Variants in PUM1 observed in about 807,000 individuals in gnomAD.
PUM1 encodes pumilio RNA binding family member 1.
A neutral mutation model predicts 131.8 loss-of-function variants in PUM1; 13 were observed. That is an observed-to-expected ratio of 0.10 (90% CI 0.06 to 0.16). The LOEUF is 0.16. PUM1 is among the 10% of genes least tolerant of loss of function. The pLI, the probability that PUM1 is intolerant of heterozygous loss-of-function variation, is 1.00. For synonymous variants in PUM1, 509 were observed against 556.5 expected, an observed-to-expected ratio of 0.91 and a Z score of 1.20; for missense variants, 961 against 1,512.4, an observed-to-expected ratio of 0.64 and a Z score of 6.05.
Position 31,005,791 on chromosome 1 carries a change from AAGAGAGAGAGAGAG to A in PUM1, c.720+48_720+61del, listed in dbSNP as rs57530886. The A allele has an allele frequency of 3.8e-4, 496 of 1,313,142 alleles. 1 individual carries two copies. Among genetic ancestry groups the A allele is most frequent in the Middle Eastern group, 1.6e-3 (8 of 5,034 alleles). 81.3% of individuals were successfully genotyped at this position (1,313,142 alleles called of 1,614,324 possible). A position where few individuals can be genotyped will look rare whatever the true frequency, so the allele number is the denominator to read the frequency against. ...GGCATGTTTTGCTTTAGGGGAAAAA[AAGAGAGAGAGAGAG>A]AGAGAGAGAGAGAGAGAGATAGGAA... On this transcript the variant is annotated intron_variant, in intron 5 of 21. Coordinates refer to ENST00000426105, the MANE Select transcript of PUM1 (RefSeq NM_001020658.2).
intron 7 of PUM1, among the ~76,000 whole-genome samples, chr1:30,990,396 T>G (rs1358347330): frequency 6.6e-6 from 1 of 151,992 alleles, no homozygotes; most frequent in African/African-American, 2.4e-5. Context: ...CATGACAGCT[T>G]TTTGGTTTGG....
chr1:31,060,273 C>T (rs945603705), intron 1 of PUM1, among the ~76,000 whole-genome samples: 50 of 151,172 alleles, frequency 3.3e-4, no homozygotes, highest in African/African-American at 1.1e-3. Context: ...CCAGCCTGGC[C>T]AACATGGTGA....
At chr1:30,998,619 A>C (rs911325624) in intron 5 of PUM1, among the ~76,000 whole-genome samples, 1 of 152,230 alleles carries the variant, frequency 6.6e-6, no homozygotes, top group Non-Finnish European at 1.5e-5. Context: ...ATCTACTCCA[A>C]GAATAGATAA....
chr1:30,946,636 C>A (rs375056660), intron 17 of PUM1, among the ~76,000 whole-genome samples: 1,273 of 121,776 alleles, frequency 0.01, no homozygotes, highest in African/African-American at 0.012. Context: ...GACTCTGTCT[C>A]AAAAAAAAAA....
intron 7 of PUM1, among the ~76,000 whole-genome samples, chr1:30,990,338 C>G (rs897596450): frequency 6.6e-6 from 1 of 152,098 alleles, no homozygotes; most frequent in African/African-American, 2.4e-5. Flanking sequence ...ATGGTAACAC[C>G]TTCTCTTAAA....
At chr1:30,960,133 AAC>A (rs897934559) in intron 14 of PUM1, among the ~76,000 whole-genome samples, 11 of 152,198 alleles carry the variant, frequency 7.2e-5, no homozygotes, top group African/African-American at 2.7e-4. Context: ...TCTTCCATTT[AAC>A]ACAGTCCAGG....
chr1:31,054,002 G>A (rs774278425), intron 2 of PUM1, among the ~76,000 whole-genome samples: 3 of 147,950 alleles, frequency 2.0e-5, no homozygotes, highest in African/African-American at 5.0e-5. Flanking sequence ...ACTGAGGCAG[G>A]AGAATCACTT....
At chr1:31,021,794 T>C (rs552712660) in intron 3 of PUM1, among the ~76,000 whole-genome samples, 7 of 152,224 alleles carry the variant, frequency 4.6e-5, no homozygotes, top group South Asian at 4.2e-4. Context: ...AAAGCTTTAA[T>C]AGGGGAGCTG....
At chr1:30,967,432 T>C (rs1284403588) in intron 11 of PUM1, 122 bp from the exon 12 acceptor site, 6 of 861,674 alleles carry the variant, frequency 7.0e-6, no homozygotes. Context: ...ATTTATATAC[T>C]GGCTCCATCA....
At chr1:31,030,086 AGG>A (rs1212115520) in intron 2 of PUM1, among the ~76,000 whole-genome samples, 1 of 151,714 alleles carries the variant, frequency 6.6e-6, no homozygotes, top group Non-Finnish European at 1.5e-5. Context: ...GCGTGGTGGC[AGG>A]CGCCTATAAT....
At chr1:30,970,258 T>A (rs75942765) in intron 10 of PUM1, among the ~76,000 whole-genome samples, 1 of 151,206 alleles carries the variant, frequency 6.6e-6, no homozygotes, top group South Asian at 2.1e-4. Flanking sequence ...AAAAAAAAAA[T>A]GTAAAAAGAG....
At chr1:30,994,680 T>C (rs367562280) in intron 6 of PUM1, among the ~76,000 whole-genome samples, 3 of 152,334 alleles carry the variant, frequency 2.0e-5, no homozygotes, top group East Asian at 3.9e-4. Context: ...ATATGACATA[T>C]TCCATTAGTA....
chr1:31,014,427 T>C (rs927336055), intron 3 of PUM1, among the ~76,000 whole-genome samples: 6 of 151,836 alleles, frequency 4.0e-5, no homozygotes, highest in African/African-American at 1.5e-4. Context: ...GGAGGGTCAC[T>C]TGAGGAGTTC....
In PUM1 at chr1:30,952,833, C is replaced by G. The variant is rs762346380; in HGVS notation, c.2592-470G>C. 1.1e-3 allele frequency among the ~76,000 whole-genome samples: 173 copies of G among 152,008 alleles called. 1 individual carries two copies. Among genetic ancestry groups the G allele is most frequent in the Middle Eastern group, 3.4e-3 (1 of 294 alleles). ...TTACAGTCCTTACTATATTCTTTAA[C>G]TTATTTTCATATAAAACAGTACTCA... On this transcript the variant is annotated intron_variant, in intron 15 of 21. Transcript: ENST00000426105.
intron 2 of PUM1, among the ~76,000 whole-genome samples, chr1:31,057,533 C>T (rs943581889): frequency 1.5e-4 from 22 of 150,280 alleles, no homozygotes; most frequent in Non-Finnish European, 1.5e-4. Context: ...AAGACCAGCC[C>T]GGCCAACATG....
intron 9 of PUM1, among the ~76,000 whole-genome samples, chr1:30,978,900 A>T (rs1641246323): frequency 6.6e-6 from 1 of 152,118 alleles, no homozygotes; most frequent in Admixed American, 6.6e-5. Flanking sequence ...AGAATTTGAC[A>T]CAACACCAGC....
chr1:31,048,125 G>T (rs1231057423), intron 2 of PUM1, among the ~76,000 whole-genome samples: 1 of 151,730 alleles, frequency 6.6e-6, no homozygotes, highest in Non-Finnish European at 1.5e-5. Context: ...TATAGTCCCA[G>T]CTACTCGGGA....
At chr1:30,955,670 C>T (rs186420288) in intron 14 of PUM1, among the ~76,000 whole-genome samples, 11 of 152,120 alleles carry the variant, frequency 7.2e-5, no homozygotes, top group East Asian at 3.9e-4. Flanking sequence ...TAAAAACCCA[C>T]GAGAAAAGTC....
intron 20 of PUM1, among the ~76,000 whole-genome samples, chr1:30,940,268 G>A (rs1239515990): frequency 6.6e-6 from 1 of 152,196 alleles, no homozygotes; most frequent in Non-Finnish European, 1.5e-5. Context: ...AAGTCCAGGA[G>A]TTCAAGACCA....
Sources: allele counts gnomAD v4.1 joint callset (sites outside exome capture counted in the v4.1 genomes callset), GRCh38; gene constraint gnomAD v4.1.1; transcripts MANE v1.5; gene names NCBI Gene and HGNC (gene_info 2026-07-23, HGNC 2026-07-21).